The following ACTN2 variants were observed in gnomAD, a reference collection of about 807,000 sequenced individuals.
ACTN2 encodes alpha-actinin-2.
In ACTN2, 39 loss-of-function variants were observed where a neutral mutation model predicts 113.8. That is an observed-to-expected ratio of 0.34 (90% CI 0.27 to 0.45). ACTN2 has a LOEUF of 0.45. ACTN2 is among the 20% of genes least tolerant of loss of function. ACTN2 has a pLI of 1.00. For missense variants in ACTN2, 992 were observed against 1,177.9 expected (o/e 0.84, Z 2.31); for synonymous variants, 429 against 444.1 (o/e 0.97, Z 0.43).
At chr1:236,736,722 A>G (rs1374902457) in intron 8 of ACTN2, 13 of 1,111,080 alleles carry the variant, frequency 1.2e-5, no homozygotes, top group South Asian at 4.1e-5. Flanking sequence ...CCAAAGGCTA[A>G]TGTTATTCAG....
rs1239650211 is a variant in ACTN2, at chr1:236,764,135, T to C, written c.*1516T>C. 6.6e-6 allele frequency: 1 copy of C among 152,214 alleles called. No individual in the cohort carries two copies. The highest frequency in any genetic ancestry group is 2.4e-5 in the African/African-American group (1 of 41,450). The allele number at this position is 152,214 out of a possible 1,614,324, so 9.4% of individuals were successfully genotyped here. ...ATTCCAAGCTGTCTGACAGCTTGAC[T>C]CTTCTTCCTACACTGGGCCATTTAG... On this transcript the variant is annotated 3_prime_UTR_variant, in exon 21 of 21. Transcript: ENST00000366578.
intron 1 of ACTN2, among the ~76,000 whole-genome samples, chr1:236,691,412 G>T (rs1274402065): frequency 6.6e-6 from 1 of 152,012 alleles, no homozygotes; most frequent in Non-Finnish European, 1.5e-5. Context: ...AGAGGCCAAG[G>T]TAGGAAGATT....
chr1:236,720,798 G>A (rs772696817), intron 4 of ACTN2, among the ~76,000 whole-genome samples: 12 of 151,974 alleles, frequency 7.9e-5, no homozygotes, highest in Non-Finnish European at 1.8e-4. Context: ...GTTGAAAAGT[G>A]TCAAATTGGC....
chr1:236,712,878 T>A (rs957965799), intron 1 of ACTN2, among the ~76,000 whole-genome samples: 2 of 151,166 alleles, frequency 1.3e-5, no homozygotes, highest in Non-Finnish European at 3.0e-5. Context: ...TTTTAAAAAT[T>A]TTATAAATGT....
chr1:236,751,935 A>C (rs1017469471), intron 15 of ACTN2, among the ~76,000 whole-genome samples: 1 of 152,344 alleles, frequency 6.6e-6, no homozygotes, highest in South Asian at 2.1e-4. Context: ...ACCATAAAGG[A>C]AATGGTTTTT....
intron 1 of ACTN2, among the ~76,000 whole-genome samples, chr1:236,709,243 TATATATATATATACAC>T (rs1657929172): frequency 1.2e-5 from 1 of 84,444 alleles, no homozygotes; most frequent in African/African-American, 3.6e-5. Flanking sequence ...TATATATATA[TATATATATATATACAC>T]ACACACACAC....
At chr1:236,747,867 A>C in intron 13 of ACTN2, 92 bp downstream of exon 13, 2 of 1,041,758 alleles carry the variant, frequency 1.9e-6, no homozygotes, top group Non-Finnish European at 2.9e-6. Context: ...TCTCTGTGGC[A>C]TGAAACAGGT....
At position 236,737,124 on chromosome 1, in the gene ACTN2, C is replaced by G. The variant is rs201636760; in HGVS notation, c.786C>G (p.Ala262=). 52 of 1,597,550 alleles carry G rather than the reference C, an allele frequency of 3.3e-5. No individual in the cohort carries two copies. Among genetic ancestry groups the G allele is most frequent in the Non-Finnish European group, 8.6e-7 (1 of 1,169,386 alleles). ...FYHAFAGAEQ[A]ETAANRICKV... is the part of the protein sequence containing the mutation. ...TGTTTACCTATTGTGTTTTACAGGC[C>G]GAGACAGCGGCTAACAGGATATGTA... The change falls in exon 9 of 21, where the codon GCC becomes GCG. Residue 262 remains alanine (A), a splice_region_variant and synonymous_variant. Coordinates refer to ENST00000366578, the MANE Select transcript of ACTN2 (RefSeq NM_001103.4).
At position 236,686,624 on chromosome 1, in the gene ACTN2, G is replaced by T; in HGVS notation, c.-50G>T. The T allele has an allele frequency of 6.6e-7, 1 of 1,513,586 alleles. No homozygotes were observed. Among genetic ancestry groups the T allele is most frequent in the Non-Finnish European group, 8.9e-7 (1 of 1,129,448 alleles). The allele number at this position is 1,513,586 out of a possible 1,614,324, so 93.8% of individuals were successfully genotyped here. On this transcript the variant is annotated 5_prime_UTR_variant, in exon 1 of 21. Transcript: ENST00000366578. ...CGTGGGTCCGTTTGCCAGTCAGCCC[G>T]TGCGTCCGAGCCCCTCGCGCCCCGC... is the stretch of plus-strand genomic sequence containing the variant.
intron 7 of ACTN2, chr1:236,734,470 A>G: frequency 3.3e-6 from 5 of 1,535,812 alleles, no homozygotes; most frequent in Non-Finnish European, 4.4e-6. Context: ...AAAGAGCCAT[A>G]ATGACTTATG....
rs141219516 is a variant in ACTN2, at chr1:236,726,030, C to T, written c.536+10C>T. The stretch of plus-strand genomic sequence containing the variant: ...AGAACTTCCATACTAGGTGAGCACC[C>T]AGGGCCCCTGGTCCTTGTATTCTCA... On this transcript the variant is annotated intron_variant, in intron 5 of 20. Transcript: ENST00000366578. The T allele has an allele frequency of 7.2e-4, 1,157 of 1,611,344 alleles. 9 individuals carry two copies. In the African/African-American group the frequency reaches 0.014, roughly 19 times the overall value.
intron 18 of ACTN2, among the ~76,000 whole-genome samples, chr1:236,758,611 G>GTT (rs1291946106): frequency 6.7e-6 from 1 of 150,014 alleles, no homozygotes; most frequent in African/African-American, 2.5e-5. Context: ...GTTTTGTTTT[G>GTT]TTTTGTTTTG....
At chr1:236,753,125 G>A (rs555329588) in intron 15 of ACTN2, among the ~76,000 whole-genome samples, 1 of 152,224 alleles carries the variant, frequency 6.6e-6, no homozygotes, top group African/African-American at 2.4e-5. Flanking sequence ...TATAAGAATC[G>A]AACTCATGAA....
At chr1:236,740,908 G>A (rs796612610) in intron 10 of ACTN2, among the ~76,000 whole-genome samples, 32 of 152,076 alleles carry the variant, frequency 2.1e-4, no homozygotes, top group African/African-American at 4.1e-4. Context: ...CTTCACCAGC[G>A]AGGCCTTCTC....
intron 1 of ACTN2, among the ~76,000 whole-genome samples, chr1:236,701,173 A>G (rs1350114963): frequency 6.6e-6 from 1 of 152,112 alleles, no homozygotes; most frequent in African/African-American, 2.4e-5. Context: ...TTTAGACTAC[A>G]AACTTTGGTC....
At chr1:236,745,276 T>G (rs1413959983) in intron 12 of ACTN2, among the ~76,000 whole-genome samples, 3 of 151,808 alleles carry the variant, frequency 2.0e-5, no homozygotes, top group Non-Finnish European at 4.4e-5. Context: ...CTACTAAAAA[T>G]GCAAAAAATT....
intron 1 of ACTN2, among the ~76,000 whole-genome samples, chr1:236,696,574 C>T (rs114975473): frequency 6.5e-4 from 99 of 151,902 alleles, no homozygotes; most frequent in African/African-American, 2.0e-3. Flanking sequence ...TAAGATAGAA[C>T]GATATGAAAT....
At chr1:236,734,105 G>A (rs1175254166) in intron 7 of ACTN2, among the ~76,000 whole-genome samples, 1 of 152,162 alleles carries the variant, frequency 6.6e-6, no homozygotes, top group African/African-American at 2.4e-5. Flanking sequence ...GAAAGTCCTG[G>A]TGAGTGTGCT....
intron 1 of ACTN2, among the ~76,000 whole-genome samples, chr1:236,715,663 A>G (rs1019924845): frequency 7.9e-5 from 12 of 152,280 alleles, no homozygotes; most frequent in African/African-American, 2.6e-4. Context: ...GATCTAAAGT[A>G]TATGGCTTAA....
Sources: gnomAD v4.1 joint callset for allele counts (sites outside exome capture counted in the v4.1 genomes callset) on GRCh38, gnomAD v4.1.1 for gene constraint, MANE v1.5 for transcripts, NCBI Gene and HGNC (gene_info 2026-07-23, HGNC 2026-07-21) for gene names.